Variants in BRWD1 observed in about 807,000 individuals in gnomAD.
BRWD1 encodes bromodomain and WD repeat domain containing 1.
In BRWD1, 82 loss-of-function variants were observed where a neutral mutation model predicts 251.2. The ratio of observed to expected loss-of-function variants is 0.33; its 90% CI spans 0.27 to 0.39. BRWD1 has a LOEUF of 0.39. Among genes scored for constraint, BRWD1 ranks in the 10% least tolerant of loss-of-function variants. The pLI is 1.00. For synonymous variants in BRWD1, 918 were observed against 902.8 expected (o/e 1.02, Z -0.30); for missense variants, 2,233 against 2,711.6 (o/e 0.82, Z 3.92).
intron 4 of BRWD1, among the ~76,000 whole-genome samples, chr21:39,302,406 G>A (rs779919824): frequency 5.8e-4 from 88 of 152,172 alleles, no homozygotes; most frequent in Admixed American, 5.2e-4. Context: ...AGGTAGGTAA[G>A]CAAGTGATTA....
intron 23 of BRWD1, among the ~76,000 whole-genome samples, chr21:39,233,555 A>G (rs990703125): frequency 9.8e-5 from 15 of 152,358 alleles, no homozygotes; most frequent in African/African-American, 2.4e-4. Flanking sequence ...ACAAAAAAAA[A>G]GCACCTTAAA....
Position 39,196,137 on chromosome 21 carries a change from C to G in BRWD1, c.*122G>C. The stretch of plus-strand genomic sequence containing the variant: ...AGTCATGATTTAGTCACATTCATAA[C>G]TTTTCATAGAAAAATATAAATATAT... On this transcript the variant is annotated 3_prime_UTR_variant, in exon 41 of 41. Transcript: ENST00000342449. The G allele has an allele frequency of 6.9e-7, 1 of 1,452,022 alleles. No homozygotes were observed. Among genetic ancestry groups the G allele is most frequent in the Non-Finnish European group, 9.0e-7 (1 of 1,110,032 alleles). 89.9% of individuals were successfully genotyped at this position (1,452,022 alleles called of 1,614,324 possible). A position where few individuals can be genotyped will look rare whatever the true frequency, so the allele number is the denominator to read the frequency against.
At chr21:39,287,478 T>TA (rs2035676620) in intron 8 of BRWD1, among the ~76,000 whole-genome samples, 1 of 152,234 alleles carries the variant, frequency 6.6e-6, no homozygotes, top group Admixed American at 6.5e-5. Context: ...ATTTCATAGT[T>TA]ACAAGTCAAT....
At chr21:39,309,390 G>A (rs993633612) in intron 4 of BRWD1, among the ~76,000 whole-genome samples, 1 of 150,312 alleles carries the variant, frequency 6.7e-6, no homozygotes, top group Non-Finnish European at 1.5e-5. Flanking sequence ...CCTGGGAAAT[G>A]GAGGCTTCAG....
chr21:39,286,663 C>T (rs932172571), intron 8 of BRWD1, among the ~76,000 whole-genome samples: 5 of 151,664 alleles, frequency 3.3e-5, no homozygotes, highest in African/African-American at 1.2e-4. Flanking sequence ...TACAGGTGCC[C>T]GCCACCATGC....
At chr21:39,207,149 A>G (rs769430079) in intron 36 of BRWD1, among the ~76,000 whole-genome samples, 13 of 152,174 alleles carry the variant, frequency 8.5e-5, no homozygotes, top group Non-Finnish European at 1.8e-4. Context: ...TATAAATTTT[A>G]TTCTGCCAGG....
At chr21:39,242,835 T>C (rs773000525) in intron 21 of BRWD1, among the ~76,000 whole-genome samples, 2 of 152,154 alleles carry the variant, frequency 1.3e-5, no homozygotes, top group Non-Finnish European at 2.9e-5. Context: ...AGCACATCTA[T>C]TTACAGCATC....
chr21:39,275,077 GA>G (rs929451183), intron 12 of BRWD1, among the ~76,000 whole-genome samples: 2 of 144,404 alleles, frequency 1.4e-5, no homozygotes, highest in African/African-American at 2.5e-5. Context: ...ATGCCAAGAA[GA>G]AAAAAAAAAC....
upstream of BRWD1, among the ~76,000 whole-genome samples, chr21:39,315,153 C>A (rs535307738): frequency 6.6e-6 from 1 of 151,994 alleles, no homozygotes; most frequent in African/African-American, 2.4e-5. Flanking sequence ...AGCGCCACCA[C>A]GTCCGGCTAA....
At chr21:39,253,903 C>A (rs1469841897) in intron 19 of BRWD1, among the ~76,000 whole-genome samples, 2 of 152,204 alleles carry the variant, frequency 1.3e-5, no homozygotes, top group South Asian at 2.1e-4. Context: ...GACACTACTG[C>A]CCATATTATA....
At chr21:39,217,036 A>ATTTAT (rs2032946213) in intron 31 of BRWD1, 1 of 20,424 alleles carries the variant, frequency 4.9e-5, no homozygotes, top group African/African-American at 1.7e-4. Flanking sequence ...TATATATATA[A>ATTTAT]ATATATATAT....
upstream of BRWD1, among the ~76,000 whole-genome samples, chr21:39,316,101 C>G (rs889910438): frequency 6.6e-6 from 1 of 152,122 alleles, no homozygotes; most frequent in Non-Finnish European, 1.5e-5. Context: ...GAATCATTTT[C>G]TATTTTAGGA....
intron 20 of BRWD1, among the ~76,000 whole-genome samples, chr21:39,248,787 G>A (rs1424704087): frequency 6.6e-6 from 1 of 151,862 alleles, no homozygotes; most frequent in African/African-American, 2.4e-5. Flanking sequence ...TTCAACCACT[G>A]TGGAAAGCAG....
chr21:39,312,170 T>C (rs1056286011), intron 4 of BRWD1, among the ~76,000 whole-genome samples: 2 of 152,226 alleles, frequency 1.3e-5, no homozygotes, highest in African/African-American at 4.8e-5. Flanking sequence ...GAGACTGTAA[T>C]GCAAGATTAA....
In BRWD1 at chr21:39,193,334, C is replaced by T. The variant is rs2031650205; in HGVS notation, c.*2925G>A. Reference sequence around the variant, plus strand: ...TGCCACTTACAAAAAGGGAGGCTGACCTTAGGAATTATTTGAATATGGGAT... The same window carrying T: ...TGCCACTTACAAAAAGGGAGGCTGATCTTAGGAATTATTTGAATATGGGAT... On this transcript the variant is annotated 3_prime_UTR_variant, in exon 41 of 41. Coordinates refer to ENST00000342449, the MANE Select transcript of BRWD1 (RefSeq NM_033656.4). The T allele has an allele frequency of 1.0e-6, 1 of 984,850 alleles. No individual in the cohort carries two copies. Among genetic ancestry groups the T allele is most frequent in the Non-Finnish European group, 1.2e-6 (1 of 829,646 alleles). 61.0% of individuals were successfully genotyped at this position (984,850 alleles called of 1,614,324 possible).
At chr21:39,230,543 T>C (rs1182109003) in intron 25 of BRWD1, among the ~76,000 whole-genome samples, 2 of 152,342 alleles carry the variant, frequency 1.3e-5, no homozygotes, top group Non-Finnish European at 2.9e-5. Flanking sequence ...AACTTGGTTT[T>C]ATGCGTGTTT....
At chr21:39,311,219 A>G (rs1888486) in intron 4 of BRWD1, among the ~76,000 whole-genome samples, 140,928 of 152,088 alleles carry the variant, frequency 0.93, 65,648 homozygotes, top group African/African-American at 0.97. Context: ...CCAGGCTGGA[A>G]TGCAGTGGCA....
intron 8 of BRWD1, among the ~76,000 whole-genome samples, chr21:39,290,010 G>A (rs2146735112): frequency 6.9e-6 from 1 of 144,128 alleles, no homozygotes; most frequent in African/African-American, 2.6e-5. Flanking sequence ...GGGTGACAGA[G>A]TGAGACTCCA....
chr21:39,301,126 C>A (rs891670014), intron 4 of BRWD1, among the ~76,000 whole-genome samples: 3 of 151,266 alleles, frequency 2.0e-5, no homozygotes, highest in African/African-American at 7.3e-5. Context: ...TTGCAGTGAG[C>A]CAAGATGGCG....
Sources: gnomAD v4.1 joint callset for allele counts (sites outside exome capture counted in the v4.1 genomes callset) on GRCh38, gnomAD v4.1.1 for gene constraint, MANE v1.5 for transcripts, NCBI Gene and HGNC (gene_info 2026-07-23, HGNC 2026-07-21) for gene names.